The following ZNF503 variants were observed in gnomAD, a reference collection of about 807,000 sequenced individuals.
ZNF503 encodes the protein zinc finger protein 503.
In ZNF503, 15 loss-of-function variants were observed where a neutral mutation model predicts 34.4. The observed-to-expected ratio is 0.44, with a 90% CI of 0.29 to 0.67. ZNF503 has a LOEUF of 0.67. Ranked by LOEUF, ZNF503 falls within the 30% of genes least tolerant of loss-of-function variation. The pLI, the probability that ZNF503 is intolerant of heterozygous loss-of-function variation, is 0.13. For missense variants in ZNF503, 1,007 were observed against 926.8 expected (o/e 1.09, Z -1.12); for synonymous variants, 580 against 456.8 (o/e 1.27, Z -3.44).
chr10:75,307,432 C>CAGG, the ZNF503 span, among the ~76,000 whole-genome samples: 1 of 152,174 alleles, frequency 6.6e-6, no homozygotes, highest in Non-Finnish European at 1.5e-5. Flanking sequence ...AGTTGGAAGC[C>CAGG]AGGAGAGGCT....
Position 75,399,362 on chromosome 10 carries a change from C to T in ZNF503, c.1328G>A (p.Gly443Glu). 6.2e-7 allele frequency: 1 copy of T among 1,606,014 alleles called. No individual in the cohort carries two copies. The highest frequency in any genetic ancestry group is 8.5e-7 in the Non-Finnish European group (1 of 1,178,386). Reference protein sequence around the residue: ...LSYHCASHLAGAAAASASCAH... With the variant: ...LSYHCASHLAEAAAASASCAH... Reference sequence around the variant, plus strand: ...GCAAGAAGCGCTGGCGGCCGCCGCCCCTGCCAGGTGGCTAGCGCAGTGGTA... The same window carrying T: ...GCAAGAAGCGCTGGCGGCCGCCGCCTCTGCCAGGTGGCTAGCGCAGTGGTA... The change falls in exon 2 of 2, where the codon GGG (glycine) becomes GAG (glutamate). Residue 443 changes from glycine to glutamate, a missense_variant. By Grantham distance (98) the Gly-to-Glu change is moderately conservative (BLOSUM62 -2). Coordinates refer to ENST00000372524, the MANE Select transcript of ZNF503 (RefSeq NM_032772.6).
chr10:75,298,631 C>T, the ZNF503 span, among the ~76,000 whole-genome samples: 9 of 152,102 alleles, frequency 5.9e-5, no homozygotes, highest in African/African-American at 1.7e-4. Context: ...CTACTTTTGG[C>T]TCTTATGATG....
At chr10:75,334,349 T>G in the ZNF503 span, among the ~76,000 whole-genome samples, 1 of 152,242 alleles carries the variant, frequency 6.6e-6, no homozygotes, top group Non-Finnish European at 1.5e-5. Context: ...TAATGACATT[T>G]TAAAAAACTG....
chr10:75,389,713 A>G, the ZNF503 span, among the ~76,000 whole-genome samples: 1 of 152,126 alleles, frequency 6.6e-6, no homozygotes, highest in Non-Finnish European at 1.5e-5. Flanking sequence ...CTGGGCGACA[A>G]AACGAGACTC....
In ZNF503 at chr10:75,399,181, G is replaced by A. The variant is rs772785334; in HGVS notation, c.1509C>T (p.Tyr503=). 1.6e-5 allele frequency: 26 copies of A among 1,609,620 alleles called. No individual in the cohort carries two copies. Among genetic ancestry groups the A allele is most frequent in the Admixed American group, 1.0e-4 (6 of 59,816 alleles). The part of the protein sequence containing the change: ...PSLAGHPLYP[Y]GFMLPNDPLP... ...GTGGGTCGTTAGGGAGCATAAAGCC[G>A]TAGGGGTAGAGGGGGTGGCCGGCCA... is the stretch of plus-strand genomic sequence containing the variant. The change falls in exon 2 of 2, where the codon TAC becomes TAT. Residue 503 remains tyrosine, a synonymous_variant. Transcript: ENST00000372524.
At chr10:75,318,019 A>G in the ZNF503 span, among the ~76,000 whole-genome samples, 6 of 152,078 alleles carry the variant, frequency 3.9e-5, no homozygotes, top group African/African-American at 1.2e-4. Context: ...ATACATACAT[A>G]CATACATAAA....
At chr10:75,307,457 A>G in the ZNF503 span, among the ~76,000 whole-genome samples, 4 of 152,248 alleles carry the variant, frequency 2.6e-5, no homozygotes, top group Non-Finnish European at 4.4e-5. Flanking sequence ...CATGAGGTTT[A>G]AGGAAATAAG....
the ZNF503 span, among the ~76,000 whole-genome samples, chr10:75,379,929 C>T: frequency 5.9e-5 from 9 of 152,086 alleles, no homozygotes; most frequent in South Asian, 2.1e-4. Flanking sequence ...TTCTTCCAGG[C>T]GGGGTGGGAG....
chr10:75,386,229 AC>A, the ZNF503 span, among the ~76,000 whole-genome samples: 1 of 152,108 alleles, frequency 6.6e-6, no homozygotes, highest in East Asian at 1.9e-4. Flanking sequence ...TCCTCCCTCT[AC>A]CCTTCTGTGG....
the ZNF503 span, among the ~76,000 whole-genome samples, chr10:75,336,456 C>T: frequency 1.3e-5 from 2 of 150,800 alleles, no homozygotes; most frequent in Non-Finnish European, 2.9e-5. Flanking sequence ...TTATTATTTG[C>T]CTTAGAAGTG....
the ZNF503 span, among the ~76,000 whole-genome samples, chr10:75,390,269 C>T: frequency 6.6e-6 from 1 of 151,900 alleles, no homozygotes; most frequent in Non-Finnish European, 1.5e-5. Context: ...TGCTTTTCTC[C>T]TTTTTTCCTC....
At chr10:75,325,327 A>ATT in the ZNF503 span, among the ~76,000 whole-genome samples, 1 of 119,356 alleles carries the variant, frequency 8.4e-6, no homozygotes, top group East Asian at 2.1e-4. Context: ...ATATATATAT[A>ATT]TATTTTTTTT....
At chr10:75,336,377 C>A in the ZNF503 span, among the ~76,000 whole-genome samples, 83 of 137,320 alleles carry the variant, frequency 6.0e-4, no homozygotes, top group Non-Finnish European at 5.9e-4. Context: ...ACAGAATTGT[C>A]AAAAAAAAAA....
chr10:75,343,341 G>C, the ZNF503 span: 3 of 152,300 alleles, frequency 2.0e-5, no homozygotes, highest in African/African-American at 7.2e-5. Flanking sequence ...GTACATACAG[G>C]CAAGGCATCA....
the ZNF503 span, among the ~76,000 whole-genome samples, chr10:75,297,884 C>A: frequency 2.0e-5 from 3 of 152,202 alleles, no homozygotes; most frequent in Admixed American, 2.0e-4. Context: ...ATTCTCATCC[C>A]AGCTTCTCCC....
At chr10:75,393,939 A>G (rs1238271178), downstream of ZNF503, among the ~76,000 whole-genome samples, 1 of 152,200 alleles carries the variant, frequency 6.6e-6, no homozygotes, top group Non-Finnish European at 1.5e-5. Context: ...ATAACACCAA[A>G]AACCTTTTTG....
chr10:75,365,485 C>T, the ZNF503 span, among the ~76,000 whole-genome samples: 20 of 152,256 alleles, frequency 1.3e-4, no homozygotes, highest in African/African-American at 4.8e-4. Context: ...GAGAAATGAT[C>T]GGATTCAAGC....
At chr10:75,319,656 A>G in the ZNF503 span, among the ~76,000 whole-genome samples, 1 of 152,240 alleles carries the variant, frequency 6.6e-6, no homozygotes, top group Non-Finnish European at 1.5e-5. Flanking sequence ...TAATTACATT[A>G]TATATAAATG....
At chr10:75,286,891 T>C in the ZNF503 span, among the ~76,000 whole-genome samples, 18 of 152,232 alleles carry the variant, frequency 1.2e-4, no homozygotes, top group Non-Finnish European at 2.1e-4. Context: ...TGTGTCTTTC[T>C]AATTTACTTA....
Sources: gnomAD v4.1 joint callset for allele counts (sites outside exome capture counted in the v4.1 genomes callset) on GRCh38, gnomAD v4.1.1 for gene constraint, MANE v1.5 for transcripts, NCBI Gene and HGNC (gene_info 2026-07-23, HGNC 2026-07-21) for gene names.